The following RCSD1 variants were observed in gnomAD, a reference collection of about 807,000 sequenced individuals.
RCSD1 encodes capZ-interacting protein.
In RCSD1, 26 loss-of-function variants were observed where a neutral mutation model predicts 42.5. The ratio of observed to expected loss-of-function variants is 0.61; its 90% CI spans 0.45 to 0.85. The LOEUF (loss-of-function observed/expected upper bound fraction) is 0.85. Ranked by LOEUF, RCSD1 falls within the 40% of genes least tolerant of loss-of-function variation. The probability of loss-of-function intolerance (pLI) is 0.00; values close to 1 mark genes in which losing one functional copy is unlikely to be tolerated. For missense variants in RCSD1, 571 were observed against 528.3 expected (o/e 1.08, Z -0.79); for synonymous variants, 220 against 212.2 (o/e 1.04, Z -0.32).
chr1:167,697,128 C>A lies in RCSD1; in HGVS notation c.504C>A (p.Arg168=). The change falls in exon 6 of 7, where the codon CGC becomes CGA. Residue 168 remains arginine, a synonymous_variant. Coordinates refer to ENST00000367854, the MANE Select transcript of RCSD1 (RefSeq NM_052862.4). The part of the protein sequence containing the change: ...KVRTRGSIKR[R]PPSRRFRRSQ... ...GGACGAGGGGCTCAATAAAAAGGCG[C>A]CCTCCCTCCAGGCGATTCCGAAGGT... 6.2e-7 allele frequency: 1 copy of A among 1,613,580 alleles called. No individual in the cohort carries two copies. The highest frequency in any genetic ancestry group is 1.1e-5 in the South Asian group (1 of 91,006).
intron 4 of RCSD1, among the ~76,000 whole-genome samples, chr1:167,692,041 G>A (rs994993491): frequency 2.6e-5 from 4 of 152,088 alleles, no homozygotes; most frequent in African/African-American, 7.2e-5. Flanking sequence ...CTGTAGTTTT[G>A]GACCCATTCC....
chr1:167,639,619 A>G (rs1571668514), intron 1 of RCSD1, among the ~76,000 whole-genome samples: 2 of 152,138 alleles, frequency 1.3e-5, no homozygotes, highest in East Asian at 3.9e-4. Flanking sequence ...CAGCCTCCCA[A>G]GTAGCTGGTA....
chr1:167,682,161 C>T (rs983670723), intron 1 of RCSD1, among the ~76,000 whole-genome samples: 31 of 150,982 alleles, frequency 2.1e-4, no homozygotes, highest in Non-Finnish European at 1.6e-4. Context: ...CTTCAAATCC[C>T]TAAACGAAGC....
At chr1:167,691,816 C>T (rs1035767972) in intron 4 of RCSD1, among the ~76,000 whole-genome samples, 3 of 152,200 alleles carry the variant, frequency 2.0e-5, no homozygotes, top group Admixed American at 6.5e-5. Context: ...TGATTCCACC[C>T]GGCTGCAGGA....
chr1:167,635,571 G>T (rs1396189256), intron 1 of RCSD1, among the ~76,000 whole-genome samples: 4 of 152,168 alleles, frequency 2.6e-5, no homozygotes, highest in Non-Finnish European at 4.4e-5. Flanking sequence ...TGGGAAATCT[G>T]AACACTGGCG....
intron 1 of RCSD1, among the ~76,000 whole-genome samples, chr1:167,651,494 C>G (rs12406904): frequency 6.6e-6 from 1 of 152,214 alleles, no homozygotes; most frequent in Non-Finnish European, 1.5e-5. Flanking sequence ...CCTCGCACGC[C>G]GACCTGGGCC....
chr1:167,691,246 T>G (rs2101715645), intron 4 of RCSD1, among the ~76,000 whole-genome samples: 1 of 152,326 alleles, frequency 6.6e-6, no homozygotes, highest in South Asian at 2.1e-4. Context: ...CAATGTCCCC[T>G]GGAGGCAAAA....
rs1377884681 is a variant in RCSD1 at position 167,694,223 on chromosome 1, C to G, written c.395C>G (p.Ser132Cys). ...ACCCCCAGCAGCCCTGGTGTGCGAT[C>G]TAGGCCCAGCGAGGCAGAGGAGGTG... ...PSTPSSPGVR[S>C]RPSEAEEVPV... Residue 132 changes from serine (S) to cysteine (C), a missense_variant, in exon 5 of 7, where the codon TCT becomes TGT. Coordinates refer to ENST00000367854, the MANE Select transcript of RCSD1 (RefSeq NM_052862.4). 1 of 1,614,230 alleles carries G rather than the reference C, an allele frequency of 6.2e-7. No homozygotes were observed. The highest frequency in any genetic ancestry group is 8.5e-7 in the Non-Finnish European group (1 of 1,180,044).
At chr1:167,656,392 G>A (rs554678297) in intron 1 of RCSD1, among the ~76,000 whole-genome samples, 3 of 152,294 alleles carry the variant, frequency 2.0e-5, no homozygotes, top group Admixed American at 2.0e-4. Context: ...ACACCTCCTT[G>A]TCGGGCAAAT....
Position 167,706,990 on chromosome 1 carries a change from T to C in RCSD1, c.*2294T>C, listed in dbSNP as rs190400135. 6.6e-6 allele frequency among the ~76,000 whole-genome samples: 1 copy of C among 152,370 alleles called. No individual in the cohort carries two copies. Among genetic ancestry groups the C allele is most frequent in the East Asian group, 1.9e-4 (1 of 5,190 alleles). On this transcript the variant is annotated 3_prime_UTR_variant, in exon 7 of 7. Coordinates refer to ENST00000367854, the MANE Select transcript of RCSD1 (RefSeq NM_052862.4). ...GTTTGAAAGAAAACACGGATTCTTC[T>C]ACAGCAACAGAGTTAAAGAAATAGT... is the stretch of plus-strand genomic sequence containing the variant.
chr1:167,652,301 C>T (rs60503109), intron 1 of RCSD1, among the ~76,000 whole-genome samples: 1,625 of 152,296 alleles, frequency 0.011, 29 homozygotes, highest in African/African-American at 0.037. Flanking sequence ...GGATTACAGG[C>T]GTGAGCCACC....
intron 1 of RCSD1, among the ~76,000 whole-genome samples, chr1:167,656,449 A>G (rs1245808477): frequency 6.6e-6 from 1 of 152,230 alleles, no homozygotes; most frequent in Non-Finnish European, 1.5e-5. Flanking sequence ...CATTTTCTCC[A>G]CTATTGAGGT....
intron 6 of RCSD1, among the ~76,000 whole-genome samples, chr1:167,698,147 A>G (rs905323091): frequency 6.6e-6 from 1 of 152,204 alleles, no homozygotes; most frequent in East Asian, 1.9e-4. Context: ...TGAGGCCTGC[A>G]AGCATCTATG....
intron 3 of RCSD1, among the ~76,000 whole-genome samples, chr1:167,689,637 G>A (rs1025291871): frequency 6.6e-6 from 1 of 152,144 alleles, no homozygotes; most frequent in Non-Finnish European, 1.5e-5. Context: ...TCCTGGTCTG[G>A]TTTCTTGTTG....
intron 3 of RCSD1, 40 bp downstream of exon 3, chr1:167,685,550 G>A: frequency 6.4e-7 from 1 of 1,554,508 alleles, no homozygotes; most frequent in Non-Finnish European, 8.8e-7. Context: ...GCTGTGATGG[G>A]TTTTCTTTCC....
At chr1:167,655,886 G>A (rs1558077580) in intron 1 of RCSD1, among the ~76,000 whole-genome samples, 1 of 152,188 alleles carries the variant, frequency 6.6e-6, no homozygotes, top group Non-Finnish European at 1.5e-5. Flanking sequence ...AAGAAAAAAT[G>A]TTATACATAA....
At position 167,684,041 on chromosome 1, in the gene RCSD1, G is replaced by C. The variant is rs1303794631; in HGVS notation, c.108+40G>C. 2.0e-6 allele frequency: 3 copies of C among 1,538,350 alleles called. No homozygotes were observed. The African/African-American group carries it at 4.1e-5, about 21-fold the overall frequency. On this transcript the variant is annotated intron_variant, in intron 2 of 6. Transcript: ENST00000367854. ...TTCAGAGCAGCCTCTTCAGCAGCGG[G>C]CAGGAGGAAAGGGAAATCTGGTCAG...
At chr1:167,653,320 A>G (rs1456035681) in intron 1 of RCSD1, among the ~76,000 whole-genome samples, 1 of 152,232 alleles carries the variant, frequency 6.6e-6, no homozygotes, top group East Asian at 1.9e-4. Context: ...AATTTTCCTT[A>G]GCAAGCTTCT....
chr1:167,687,468 AGCCTAGATCGC>A (rs1659264136), intron 3 of RCSD1, among the ~76,000 whole-genome samples: 1 of 151,192 alleles, frequency 6.6e-6, no homozygotes, highest in Non-Finnish European at 1.5e-5. Flanking sequence ...GCTTGCAGTG[AGCCTAGATCGC>A]GCCACCGCAC....
Sources: allele counts gnomAD v4.1 joint callset (sites outside exome capture counted in the v4.1 genomes callset), GRCh38; gene constraint gnomAD v4.1.1; transcripts MANE v1.5; gene names NCBI Gene and HGNC (gene_info 2026-07-23, HGNC 2026-07-21).